PCDHGB3: variants seen among roughly 807,000 people sequenced by gnomAD.
PCDHGB3 encodes the protein protocadherin gamma-B3.
In PCDHGB3, 40 loss-of-function variants were observed where a neutral mutation model predicts 59.2. The observed-to-expected ratio is 0.68, with a 90% CI of 0.52 to 0.88. The LOEUF is 0.88. Ranked by LOEUF, PCDHGB3 falls within the 40% of genes least tolerant of loss-of-function variation. PCDHGB3 has a pLI of 0.00. For missense variants in PCDHGB3, 1,309 were observed against 1,187.9 expected, an observed-to-expected ratio of 1.10 and a Z score of -1.50; for synonymous variants, 581 against 503.6, an observed-to-expected ratio of 1.15 and a Z score of -2.06.
intron 1 of PCDHGB3, among the ~76,000 whole-genome samples, chr5:141,380,766 T>C (rs1403335185): frequency 1.3e-5 from 2 of 152,224 alleles, no homozygotes; most frequent in Admixed American, 1.3e-4. Context: ...TATAAATTAA[T>C]TGAGACTTTT....
intron 1 of PCDHGB3, among the ~76,000 whole-genome samples, chr5:141,488,190 G>A (rs1162264945): frequency 1.3e-5 from 2 of 152,164 alleles, no homozygotes; most frequent in African/African-American, 4.8e-5. Flanking sequence ...CTTTTGGTCT[G>A]GGTCTTAGGA....
At chr5:141,381,294 A>C (rs1777116349) in intron 1 of PCDHGB3, among the ~76,000 whole-genome samples, 1 of 152,236 alleles carries the variant, frequency 6.6e-6, no homozygotes, top group African/African-American at 2.4e-5. Flanking sequence ...TTTATTCCAG[A>C]GCAGGTCATT....
At chr5:141,427,529 G>A (rs1464520351) in intron 1 of PCDHGB3, 1 of 619,898 alleles carries the variant, frequency 1.6e-6, no homozygotes, top group African/African-American at 1.8e-5. Context: ...GGATCCCGGA[G>A]TACAACGTCA....
intron 2 of PCDHGB3, among the ~76,000 whole-genome samples, chr5:141,496,744 T>C (rs1383447795): frequency 6.6e-6 from 1 of 152,170 alleles, no homozygotes; most frequent in Non-Finnish European, 1.5e-5. Context: ...GTTCATTTAT[T>C]CAACAAATAT....
intron 1 of PCDHGB3, chr5:141,374,180 T>C (rs1347088415): frequency 6.2e-7 from 1 of 1,613,682 alleles, no homozygotes; most frequent in Non-Finnish European, 8.5e-7. Context: ...GCAGATCCGC[T>C]ACTCTATTCC....
intron 1 of PCDHGB3, chr5:141,428,390 C>T (rs1043799152): frequency 8.0e-5 from 40 of 502,004 alleles, no homozygotes; most frequent in African/African-American, 6.6e-4. Context: ...TCTTCCAGCC[C>T]CTCTGCCTGG....
chr5:141,395,237 G>C (rs760516487), intron 1 of PCDHGB3: 2 of 1,590,946 alleles, frequency 1.3e-6, no homozygotes, highest in Non-Finnish European at 8.6e-7. Flanking sequence ...ATCATGGTCA[G>C]GTGAGTTTAG....
intron 1 of PCDHGB3, chr5:141,422,646 C>T (rs748692494): frequency 5.0e-6 from 8 of 1,611,836 alleles, no homozygotes; most frequent in Non-Finnish European, 6.8e-6. Flanking sequence ...CCTCCATCTT[C>T]TCAGTGACCG....
Position 141,489,941 on chromosome 5 carries a change from A to G in PCDHGB3, c.2416-4866A>G. Reference sequence around the variant, plus strand: ...ACCCTTATCTCTGTCATCGTGCTGGACATCAATGATAATGCTCCAACCTTC... The same window carrying G: ...ACCCTTATCTCTGTCATCGTGCTGGGCATCAATGATAATGCTCCAACCTTC... On this transcript the variant is annotated intron_variant, in intron 1 of 3. Transcript: ENST00000576222. The surrounding 1 kb of genome is among the most constrained non-coding windows in gnomAD (Gnocchi z 4.5). 1.2e-6 allele frequency: 2 copies of G among 1,614,228 alleles called. No homozygotes were observed. The highest frequency in any genetic ancestry group is 1.7e-6 in the Non-Finnish European group (2 of 1,180,034).
Position 141,458,007 on chromosome 5 carries a change from C to T in PCDHGB3, c.2416-36800C>T, listed in dbSNP as rs142050242. Among the ~76,000 whole-genome samples the T allele has an allele frequency of 1.3e-3, 200 of 152,274 alleles. 1 individual carries two copies. The East Asian group carries it at 0.032, about 24-fold the overall frequency. ...TCAGTTAAAGCCTTGGCAAAATAAC[C>T]GGTTTTTCCAATTGTGTTCTGTTGA... On this transcript the variant is annotated intron_variant, in intron 1 of 3. Transcript: ENST00000576222.
At chr5:141,419,757 G>A (rs1468216226) in intron 1 of PCDHGB3, 5 of 1,613,876 alleles carry the variant, frequency 3.1e-6, no homozygotes, top group African/African-American at 1.3e-5. Flanking sequence ...CGTGCTTTGG[G>A]TGACAAGGAC....
intron 1 of PCDHGB3, among the ~76,000 whole-genome samples, chr5:141,464,404 T>G (rs1224596546): frequency 6.6e-6 from 1 of 151,532 alleles, no homozygotes; most frequent in African/African-American, 2.4e-5. Flanking sequence ...GAACCTGAGA[T>G]ATATATATAT....
intron 1 of PCDHGB3, among the ~76,000 whole-genome samples, chr5:141,454,795 A>G (rs79012896): frequency 9.1e-6 from 1 of 110,272 alleles, no homozygotes; most frequent in South Asian, 3.0e-4. Flanking sequence ...CCATGGTTCT[A>G]ATTTTTTTTT....
At chr5:141,383,961 C>T (rs768963435) in intron 1 of PCDHGB3, 31 of 1,613,238 alleles carry the variant, frequency 1.9e-5, no homozygotes, top group Non-Finnish European at 2.6e-5. Context: ...CTTTAAGTAG[C>T]TCAATCCCTG....
chr5:141,474,412 C>T (rs1282336092), intron 1 of PCDHGB3, among the ~76,000 whole-genome samples: 2 of 152,220 alleles, frequency 1.3e-5, no homozygotes, highest in African/African-American at 2.4e-5. Context: ...CCGGTGATGC[C>T]TAGACCATTG....
intron 1 of PCDHGB3, chr5:141,417,612 T>C: frequency 1.6e-6 from 1 of 617,852 alleles, no homozygotes; most frequent in Non-Finnish European, 2.6e-6. Flanking sequence ...CGTCGGCCAG[T>C]GCAGAGCAAG....
Position 141,511,089 on chromosome 5 carries a change from C to T in PCDHGB3, c.2706C>T (p.Thr902=). The change falls in exon 4 of 4, where the codon ACC becomes ACT. Residue 902 remains threonine (T), a synonymous_variant. Transcript: ENST00000576222. ...TCCCAGGCAGCAATGCCACACTGAC[C>T]AACGCAGCTGGCAAGCGGGATGGCA... is the stretch of plus-strand genomic sequence containing the variant. ...VYIPGSNATL[T]NAAGKRDGKA... 1 of 1,614,212 alleles carries T rather than the reference C, an allele frequency of 6.2e-7. No individual in the cohort carries two copies. Among genetic ancestry groups the T allele is most frequent in the Non-Finnish European group, 8.5e-7 (1 of 1,180,026 alleles).
rs201895231 is a variant in PCDHGB3 at position 141,392,844 on chromosome 5, G to A, written c.2415+20035G>A. On this transcript the variant is annotated intron_variant, in intron 1 of 3. Coordinates refer to ENST00000576222, the MANE Select transcript of PCDHGB3 (RefSeq NM_018924.5). ...CGCTCCACAGAGTCGCCCCAGACGC[G>A]GCGAGCTGATCCTGCTGTGCGCGCT... The A allele has an allele frequency of 1.3e-5, 21 of 1,609,468 alleles. 1 individual carries two copies. The East Asian group carries it at 1.6e-4, about 12-fold the overall frequency.
At chr5:141,413,468 A>C in intron 1 of PCDHGB3, 1 of 1,614,072 alleles carries the variant, frequency 6.2e-7, no homozygotes, top group South Asian at 1.1e-5. Context: ...GACCGGGAGG[A>C]GCTCTGCGCT....
Sources: gnomAD v4.1 joint callset for allele counts (sites outside exome capture counted in the v4.1 genomes callset) on GRCh38, gnomAD v4.1.1 for gene constraint, Gnocchi (gnomAD v3.1) non-coding constraint, MANE v1.5 for transcripts, NCBI Gene and HGNC (gene_info 2026-07-23, HGNC 2026-07-21) for gene names.